The following TWNK variants were observed in gnomAD, a reference collection of about 807,000 sequenced individuals.
The protein encoded by TWNK is T7 gp4-like protein with intramitochondrial nucleoid localization.
Under a neutral mutation model 58.2 loss-of-function variants are expected in TWNK, and 36 were observed. The ratio of observed to expected loss-of-function variants is 0.62; its 90% CI spans 0.47 to 0.82. The LOEUF is 0.82. TWNK is among the 40% of genes least tolerant of loss of function. The pLI, the probability that TWNK is intolerant of heterozygous loss-of-function variation, is 0.00. For synonymous variants in TWNK, 349 were observed against 348.5 expected, an observed-to-expected ratio of 1.00 and a Z score of -0.02; for missense variants, 714 against 881.0, an observed-to-expected ratio of 0.81 and a Z score of 2.40.
At position 100,989,428 on chromosome 10, in the gene TWNK, A is replaced by G. The variant is rs1333644931; in HGVS notation, c.1218A>G (p.Arg406=). ...PDLNRILKGH[R]KGELTVFTGP... The stretch of plus-strand genomic sequence containing the variant: ...TCAATCGTATCTTGAAGGGACATCG[A>G]AAGGGCGAGCTGACGGTCTTCACAG... Residue 406 remains arginine (R), a synonymous_variant, in exon 1 of 5, where the codon CGA becomes CGG. Transcript: ENST00000311916. The surrounding 1 kb of genome is among the most constrained non-coding windows in gnomAD (Gnocchi z 7.6). 1 of 1,614,132 alleles carries G rather than the reference A, an allele frequency of 6.2e-7. No homozygotes were observed. Among genetic ancestry groups the G allele is most frequent in the Admixed American group, 1.7e-5 (1 of 60,032 alleles).
chr10:100,988,740 A>G lies in TWNK; in HGVS notation c.530A>G (p.Asp177Gly). The G allele has an allele frequency of 6.2e-7, 1 of 1,614,146 alleles. No homozygotes were observed. The highest frequency in any genetic ancestry group is 8.5e-7 in the Non-Finnish European group (1 of 1,180,020). ...LPDQEEVQLA[D>G]TMFGLTKVTD... ...GATCAGGAGGAGGTTCAGCTGGCTG[A>G]TACAATGTTTGGCCTTACCAAGGTT... is the stretch of plus-strand genomic sequence containing the variant. The change falls in exon 1 of 5, where the codon GAT (aspartate) becomes GGT (glycine). Residue 177 changes from aspartate to glycine, a missense_variant. This residue lies in a region of TWNK where 348 missense variants were observed against 388.4 expected (regional missense o/e 0.90). Coordinates refer to ENST00000311916, the MANE Select transcript of TWNK (RefSeq NM_021830.5). The surrounding 1 kb of genome is among the most constrained non-coding windows in gnomAD (Gnocchi z 5.2).
Position 100,989,841 on chromosome 10 carries a change from C to T in TWNK, c.1441C>T (p.Leu481=). The T allele has an allele frequency of 6.2e-7, 1 of 1,614,198 alleles. No individual in the cohort carries two copies. Among genetic ancestry groups the T allele is most frequent in the East Asian group, 2.2e-5 (1 of 44,888 alleles). The change falls in exon 2 of 5, where the codon CTG becomes TTG. Residue 481 remains leucine, a synonymous_variant. Coordinates refer to ENST00000311916, the MANE Select transcript of TWNK (RefSeq NM_021830.5). This position sits in a 1 kb window ranked among gnomAD's most constrained non-coding sequence, Gnocchi z 7.6. The stretch of plus-strand genomic sequence containing the variant: ...TCACTGGGCTGACCGCTTTGAGGAC[C>T]TGCCCCTCTATTTCATGACTTTCCA... ...YDHWADRFED[L]PLYFMTFHGQ... is the part of the protein sequence containing the mutation.
Position 100,989,212 on chromosome 10 carries a change from A to G in TWNK, c.1002A>G (p.Arg334=), listed in dbSNP as rs769723666. ...KLNPKRCFLV[R]PGDQQPRPLE... is the part of the protein sequence containing the mutation. Reference sequence around the variant, plus strand: ...ACCCCAAACGATGCTTCTTGGTGCGACCAGGAGACCAGCAACCCCGTCCCC... The same window carrying G: ...ACCCCAAACGATGCTTCTTGGTGCGGCCAGGAGACCAGCAACCCCGTCCCC... The change falls in exon 1 of 5, where the codon CGA becomes CGG. Residue 334 remains arginine (R), a synonymous_variant. Coordinates refer to ENST00000311916, the MANE Select transcript of TWNK (RefSeq NM_021830.5). The surrounding 1 kb of genome is among the most constrained non-coding windows in gnomAD (Gnocchi z 7.6). The G allele has an allele frequency of 6.2e-7, 1 of 1,614,162 alleles. No individual in the cohort carries two copies. Among genetic ancestry groups the G allele is most frequent in the South Asian group, 1.1e-5 (1 of 91,080 alleles).
At chr10:100,992,528 T>TAAAAAAAAA (rs1209775610) in intron 4 of TWNK, among the ~76,000 whole-genome samples, 2 of 91,122 alleles carry the variant, frequency 2.2e-5, no homozygotes, top group African/African-American at 3.9e-5. Flanking sequence ...ACCCTGTCTT[T>TAAAAAAAAA]AAAAAAAAAA....
chr10:100,990,600 C>T lies in TWNK; in HGVS notation c.1592+57C>T. 3.7e-6 allele frequency: 6 copies of T among 1,612,796 alleles called. No individual in the cohort carries two copies. In the South Asian group the frequency reaches 6.6e-5, roughly 18 times the overall value. On this transcript the variant is annotated intron_variant, in intron 3 of 4. Transcript: ENST00000311916. ...AGCCCGCTTGGACATACAACACACA[C>T]TTCTCAGGCAGCTGGCCTCTAGGCA...
intron 3 of TWNK, 55 bp downstream of exon 3, chr10:100,990,598 C>T: frequency 6.2e-7 from 1 of 1,612,890 alleles, no homozygotes; most frequent in Non-Finnish European, 8.5e-7. Context: ...ATACAACACA[C>T]ACTTCTCAGG....
rs1851680594 is a variant in TWNK at position 100,989,030 on chromosome 10, C to G, written c.820C>G (p.Gln274Glu). The G allele has an allele frequency of 1.9e-6, 3 of 1,614,174 alleles. No individual in the cohort carries two copies. Among genetic ancestry groups the G allele is most frequent in the Non-Finnish European group, 2.5e-6 (3 of 1,180,024 alleles). ...SRELDSLALN[Q>E]STGLPTLTLP... ...TGAGCTTGACAGCCTGGCCTTGAAC[C>G]AGTCCACGGGGCTGCCTACCCTTAC... is the stretch of plus-strand genomic sequence containing the variant. Residue 274 changes from glutamine to glutamate, a missense_variant, in exon 1 of 5, where the codon CAG becomes GAG. Transcript: ENST00000311916. The surrounding 1 kb of genome is among the most constrained non-coding windows in gnomAD (Gnocchi z 7.6).
At chr10:100,991,418 G>A (rs1851771598) in intron 4 of TWNK, among the ~76,000 whole-genome samples, 1 of 152,212 alleles carries the variant, frequency 6.6e-6, no homozygotes. Flanking sequence ...TCAGATAAAT[G>A]TGAGGGCCTT....
chr10:100,987,816 CA>C lies in TWNK; in HGVS notation c.-390del. On this transcript the variant is annotated 5_prime_UTR_variant, in exon 1 of 5. Coordinates refer to ENST00000311916, the MANE Select transcript of TWNK (RefSeq NM_021830.5). ...GTCGGGGCCTAGGGCAAAGGGACTA[CA>C]AAAAGGATGCAGATGACTATAGAAA... The C allele has an allele frequency of 1.7e-6, 1 of 586,854 alleles. No homozygotes were observed. The allele number at this position is 586,854 out of a possible 1,614,324, so 36.4% of individuals were successfully genotyped here.
In TWNK at chr10:100,990,567, C is replaced by G. The variant is rs1425892778; in HGVS notation, c.1592+24C>G. On this transcript the variant is annotated intron_variant, in intron 3 of 4. Transcript: ENST00000311916. ...AGGTGACGGTGACATCCTCTCTTGT[C>G]TAGCTTGAGCCCGCTTGGACATACA... 2.5e-6 allele frequency: 4 copies of G among 1,613,760 alleles called. No individual in the cohort carries two copies. The East Asian group carries it at 6.7e-5, about 27-fold the overall frequency.
chr10:100,988,727 G>C lies in TWNK; in HGVS notation c.517G>C (p.Val173Leu), dbSNP rs751479054. The C allele has an allele frequency of 6.2e-7, 1 of 1,614,166 alleles. No homozygotes were observed. Among genetic ancestry groups the C allele is most frequent in the Middle Eastern group, 1.6e-4 (1 of 6,062 alleles). ...CTGGGAGCTGCCTGATCAGGAGGAG[G>C]TTCAGCTGGCTGATACAATGTTTGG... is the stretch of plus-strand genomic sequence containing the variant. ...PLWELPDQEEVQLADTMFGLT... is the reference protein window; with the variant it reads ...PLWELPDQEELQLADTMFGLT... The change falls in exon 1 of 5, where the codon GTT becomes CTT. Residue 173 changes from valine to leucine, a missense_variant. By Grantham distance (32) the Val-to-Leu change is conservative. Around this residue, in one of 3 missense-constraint regions of TWNK, gnomAD observed 348 missense variants for 388.4 expected, o/e 0.90. Coordinates refer to ENST00000311916, the MANE Select transcript of TWNK (RefSeq NM_021830.5). This position sits in a 1 kb window ranked among gnomAD's most constrained non-coding sequence, Gnocchi z 5.2.
At chr10:100,990,823 G>C (rs187769827) in intron 3 of TWNK, 46 bp from the exon 4 acceptor site, 1 of 1,609,086 alleles carries the variant, frequency 6.2e-7, no homozygotes, top group Non-Finnish European at 8.5e-7. Context: ...GTATGTTCTT[G>C]TCCTTCTGTG....
At chr10:100,992,152 G>A (rs559216440) in intron 4 of TWNK, among the ~76,000 whole-genome samples, 13 of 148,570 alleles carry the variant, frequency 8.8e-5, no homozygotes, top group South Asian at 4.2e-4. Flanking sequence ...GCAGTGAGCC[G>A]TGCTCACACC....
chr10:100,992,927 T>C (rs775180025), intron 4 of TWNK, among the ~76,000 whole-genome samples: 15 of 152,120 alleles, frequency 9.9e-5, no homozygotes, highest in Admixed American at 9.8e-4. Flanking sequence ...GCTGGGACTA[T>C]AGGTGCATGC....
At position 100,993,673 on chromosome 10, in the gene TWNK, GACT is replaced by G. The variant is rs1476366902; in HGVS notation, c.*167_*169del. 2 of 747,110 alleles carry G rather than the reference GACT, an allele frequency of 2.7e-6. No homozygotes were observed. Among genetic ancestry groups the G allele is most frequent in the East Asian group, 5.4e-5 (2 of 37,154 alleles). The allele number at this position is 747,110 out of a possible 1,614,324, so 46.3% of individuals were successfully genotyped here. ...CATAGTGAGAAAATTCAATGTAGCA[GACT>G]ACTGAGAAACTACTGTGTTGCTCAG... On this transcript the variant is annotated 3_prime_UTR_variant, in exon 5 of 5. Transcript: ENST00000311916.
intron 2 of TWNK, 137 bp downstream of exon 2, chr10:100,990,021 G>A: frequency 1.6e-6 from 2 of 1,241,730 alleles, no homozygotes; most frequent in Admixed American, 1.7e-5. Flanking sequence ...TGAGAGGGCA[G>A]GGCTGGACAC....
intron 3 of TWNK, 144 bp downstream of exon 3, chr10:100,990,687 C>G: frequency 6.3e-7 from 1 of 1,595,856 alleles, no homozygotes; most frequent in Non-Finnish European, 8.6e-7. Flanking sequence ...CCATGTGTAT[C>G]ATATGGAGGT....
In TWNK at chr10:100,989,804, G is replaced by A. The variant is rs747665814; in HGVS notation, c.1404G>A (p.Leu468=). 7 of 1,614,184 alleles carry A rather than the reference G, an allele frequency of 4.3e-6. No homozygotes were observed. In the South Asian group the frequency reaches 7.7e-5, roughly 18 times the overall value. Residue 468 remains leucine, a synonymous_variant, in exon 2 of 5, where the codon CTG becomes CTA. Coordinates refer to ENST00000311916, the MANE Select transcript of TWNK (RefSeq NM_021830.5). This position sits in a 1 kb window ranked among gnomAD's most constrained non-coding sequence, Gnocchi z 7.6. ...QFAEGRLEDQ[L]DKYDHWADRF... ...CCGAGGGGCGGCTGGAAGATCAACT[G>A]GACAAATATGATCACTGGGCTGACC...
Position 100,993,902 on chromosome 10 carries a change from G to C in TWNK, c.*392G>C. On this transcript the variant is annotated 3_prime_UTR_variant, in exon 5 of 5. Coordinates refer to ENST00000311916, the MANE Select transcript of TWNK (RefSeq NM_021830.5). Reference sequence around the variant, plus strand: ...ATAAGTGGTCTGAAAAGGTGTCTCTGAGCCGAGGGCATGTGAGCTGGGGCC... The same window carrying C: ...ATAAGTGGTCTGAAAAGGTGTCTCTCAGCCGAGGGCATGTGAGCTGGGGCC... 8.5e-6 allele frequency: 2 copies of C among 234,970 alleles called. No individual in the cohort carries two copies. Among genetic ancestry groups the C allele is most frequent in the South Asian group, 1.1e-4 (2 of 18,584 alleles). The allele number at this position is 234,970 out of a possible 1,614,324, so 14.6% of individuals were successfully genotyped here.
Sources: gnomAD v4.1 joint callset for allele counts (sites outside exome capture counted in the v4.1 genomes callset) on GRCh38, gnomAD v4.1.1 for gene constraint, gnomAD v4.1.1 regional missense constraint, Gnocchi (gnomAD v3.1) non-coding constraint, MANE v1.5 for transcripts, NCBI Gene and HGNC (gene_info 2026-07-23, HGNC 2026-07-21) for gene names.